Variants in TMEM117 observed in about 807,000 individuals in gnomAD.
TMEM117 encodes the protein transmembrane protein 117.
TMEM117 carries 27 observed loss-of-function variants against 52.4 expected under a neutral mutation model. That is an observed-to-expected ratio of 0.51 (90% CI 0.38 to 0.71). The LOEUF is 0.71. Among genes scored for constraint, TMEM117 ranks in the 30% least tolerant of loss-of-function variants. TMEM117 has a pLI of 0.00. For missense variants in TMEM117, 556 were observed against 630.5 expected, an observed-to-expected ratio of 0.88 and a Z score of 1.26; for synonymous variants, 215 against 206.3, an observed-to-expected ratio of 1.04 and a Z score of -0.36.
intron 5 of TMEM117, among the ~76,000 whole-genome samples, chr12:44,295,837 C>A (rs992812873): frequency 6.6e-6 from 1 of 152,032 alleles, no homozygotes; most frequent in Non-Finnish European, 1.5e-5. Flanking sequence ...ATCTCAATTT[C>A]TTTGGGGTTG....
chr12:44,153,640 T>C (rs1186723997), intron 4 of TMEM117, among the ~76,000 whole-genome samples: 1 of 152,102 alleles, frequency 6.6e-6, no homozygotes, highest in East Asian at 1.9e-4. Context: ...TTTTATCTTA[T>C]TATTGTTTAA....
At chr12:44,216,007 T>TTCTTTC (rs200199650) in intron 5 of TMEM117, among the ~76,000 whole-genome samples, 1 of 135,894 alleles carries the variant, frequency 7.4e-6, no homozygotes, top group African/African-American at 3.0e-5. Flanking sequence ...CTTTCTTTCT[T>TTCTTTC]TTTTTTTTTT....
intron 4 of TMEM117, among the ~76,000 whole-genome samples, chr12:44,146,810 C>A (rs1203552064): frequency 6.6e-6 from 1 of 152,178 alleles, no homozygotes; most frequent in Non-Finnish European, 1.5e-5. Context: ...GGAAAAGCAA[C>A]TATTTACATT....
At chr12:44,106,221 T>A (rs112165018) in intron 3 of TMEM117, among the ~76,000 whole-genome samples, 4,495 of 152,134 alleles carry the variant, frequency 0.03, 103 homozygotes, top group Admixed American at 0.038. Context: ...TAACTTGCTG[T>A]TAGGATGGTG....
At position 44,311,909 on chromosome 12, in the gene TMEM117, G is replaced by GTGTGTATATATA. The variant is rs1565702142; in HGVS notation, c.768+12172_768+12183dup. 3.3e-4 allele frequency among the ~76,000 whole-genome samples: 38 copies of GTGTGTATATATA among 114,424 alleles called. 4 individuals are homozygous for GTGTGTATATATA. The highest frequency in any genetic ancestry group is 2.0e-3 in the African/African-American group (34 of 17,096). The allele number at this position is 114,424 out of a possible 152,430, so 75.1% of individuals were successfully genotyped here. A position where few individuals can be genotyped will look rare whatever the true frequency, so the allele number is the denominator to read the frequency against. On this transcript the variant is annotated intron_variant, in intron 6 of 7. Transcript: ENST00000266534. ...TGTATATATATGTGTATATATATAT[G>GTGTGTATATATA]TGTGTATATATATATATATATTTTT... is the stretch of plus-strand genomic sequence containing the variant.
chr12:44,397,896 G>A, the TMEM117 span, among the ~76,000 whole-genome samples: 1 of 152,112 alleles, frequency 6.6e-6, no homozygotes, highest in Non-Finnish European at 1.5e-5. Flanking sequence ...AACAGTGGAG[G>A]GAGGGCAAAA....
chr12:44,355,292 G>GAAATTTATTTTGAGAAACTCAA (rs1227483602), intron 6 of TMEM117, among the ~76,000 whole-genome samples: 1 of 152,018 alleles, frequency 6.6e-6, no homozygotes, highest in Non-Finnish European at 1.5e-5. Flanking sequence ...AGTGTTTTGA[G>GAAATTTATTTTGAGAAACTCAA]TTTCTCAAAA....
chr12:43,965,566 T>C (rs1016135527), intron 3 of TMEM117, among the ~76,000 whole-genome samples: 4 of 152,210 alleles, frequency 2.6e-5, no homozygotes, highest in African/African-American at 9.7e-5. Context: ...CTGTAAATGT[T>C]GTTTACTTTC....
At chr12:43,796,813 T>C in the TMEM117 span, among the ~76,000 whole-genome samples, 1 of 152,054 alleles carries the variant, frequency 6.6e-6, no homozygotes, top group African/African-American at 2.4e-5. Context: ...GAGATGGGGA[T>C]CATGACAGGT....
At chr12:44,142,094 C>T (rs1336025254) in intron 3 of TMEM117, among the ~76,000 whole-genome samples, 1 of 152,114 alleles carries the variant, frequency 6.6e-6, no homozygotes, top group African/African-American at 2.4e-5. Flanking sequence ...GATGCTTGAC[C>T]TTAAGCAAGT....
intron 2 of TMEM117, among the ~76,000 whole-genome samples, chr12:43,895,298 T>G (rs1007812593): frequency 6.6e-6 from 1 of 152,210 alleles, no homozygotes; most frequent in African/African-American, 2.4e-5. Context: ...GGCCTTCATC[T>G]CTATCCATGT....
At chr12:44,221,641 G>T (rs1949789901) in intron 5 of TMEM117, among the ~76,000 whole-genome samples, 1 of 151,960 alleles carries the variant, frequency 6.6e-6, no homozygotes, top group African/African-American at 2.4e-5. Flanking sequence ...ATCTTTCAGA[G>T]AACTCAGTCT....
chr12:43,980,510 A>C (rs1190606910), intron 3 of TMEM117, among the ~76,000 whole-genome samples: 2 of 152,150 alleles, frequency 1.3e-5, no homozygotes, highest in Non-Finnish European at 2.9e-5. Flanking sequence ...ATACTTTTAT[A>C]TACTGTTGCT....
At chr12:44,056,609 C>G (rs1947058524) in intron 3 of TMEM117, among the ~76,000 whole-genome samples, 1 of 152,054 alleles carries the variant, frequency 6.6e-6, no homozygotes, top group South Asian at 2.1e-4. Context: ...TTGACTCTCT[C>G]TTTTGTATTT....
At chr12:44,025,901 G>T (rs191325885) in intron 3 of TMEM117, among the ~76,000 whole-genome samples, 1 of 150,340 alleles carries the variant, frequency 6.7e-6, no homozygotes, top group Non-Finnish European at 1.5e-5. Context: ...TTACCTATCC[G>T]CCCCCCCCAC....
chr12:44,147,943 A>G (rs942190352), intron 4 of TMEM117, among the ~76,000 whole-genome samples: 5 of 151,852 alleles, frequency 3.3e-5, no homozygotes, highest in Non-Finnish European at 5.9e-5. Flanking sequence ...AAAAAAAAAA[A>G]AAAAAGAAAA....
At chr12:43,875,936 A>G (rs186092094) in intron 2 of TMEM117, among the ~76,000 whole-genome samples, 7 of 152,214 alleles carry the variant, frequency 4.6e-5, no homozygotes, top group African/African-American at 1.7e-4. Flanking sequence ...TGGTCCACTT[A>G]TTCATATGGA....
chr12:44,300,488 C>G (rs1017151641), intron 6 of TMEM117, among the ~76,000 whole-genome samples: 48 of 152,260 alleles, frequency 3.2e-4, no homozygotes, highest in African/African-American at 1.1e-3. Flanking sequence ...AGACCAAAGA[C>G]TACAATTACT....
At chr12:44,071,058 G>A (rs991600535) in intron 3 of TMEM117, among the ~76,000 whole-genome samples, 2 of 152,170 alleles carry the variant, frequency 1.3e-5, no homozygotes, top group African/African-American at 2.4e-5. Flanking sequence ...GAAGAGCTCT[G>A]TCTGTAAAGA....
Sources: allele counts gnomAD v4.1 joint callset (sites outside exome capture counted in the v4.1 genomes callset), GRCh38; gene constraint gnomAD v4.1.1; transcripts MANE v1.5; gene names NCBI Gene and HGNC (gene_info 2026-07-23, HGNC 2026-07-21).